The following NLRP5 variants were observed in gnomAD, a reference collection of about 807,000 sequenced individuals.
NLRP5 encodes NACHT, LRR and PYD domains-containing protein 5.
NLRP5 carries 93 observed loss-of-function variants against 113.1 expected under a neutral mutation model. That is an observed-to-expected ratio of 0.82 (90% confidence interval 0.70 to 0.98). The LOEUF (loss-of-function observed/expected upper bound fraction) is 0.98, where lower values mean the gene tolerates loss of function less well. Among genes scored for constraint, NLRP5 ranks in the 50% least tolerant of loss-of-function variants. NLRP5 has a pLI of 0.00. For synonymous variants in NLRP5, 751 were observed against 600.7 expected, an observed-to-expected ratio of 1.25 and a Z score of -3.66; for missense variants, 1,808 against 1,514.3, an observed-to-expected ratio of 1.19 and a Z score of -3.22.
chr19:56,036,879 C>T (rs1456672050), intron 9 of NLRP5, among the ~76,000 whole-genome samples: 1 of 152,106 alleles, frequency 6.6e-6, no homozygotes, highest in Non-Finnish European at 1.5e-5. Context: ...ATCACTTGAA[C>T]CCAGGAGGCA....
intron 6 of NLRP5, among the ~76,000 whole-genome samples, chr19:56,021,637 A>G (rs1982621219): frequency 6.6e-6 from 1 of 152,214 alleles, no homozygotes. Flanking sequence ...CCCGTGTTCC[A>G]GTGTCTATCA....
upstream of NLRP5, among the ~76,000 whole-genome samples, chr19:55,998,236 G>A (rs1599872666): frequency 1.3e-5 from 2 of 151,958 alleles, no homozygotes; most frequent in Admixed American, 1.3e-4. Flanking sequence ...TGCACCTGTA[G>A]TCCCAGCTAC....
At chr19:56,043,542 C>CTTTTTTTTTTTTTTTTTTTT (rs369622191) in intron 11 of NLRP5, among the ~76,000 whole-genome samples, 2 of 92,958 alleles carry the variant, frequency 2.2e-5, no homozygotes, top group African/African-American at 5.3e-5. Context: ...CTCTGCTATT[C>CTTTTTTTTTTTTTTTTTTTT]TTTTTTTTTT....
intron 10 of NLRP5, 30 bp downstream of exon 10, chr19:56,038,225 A>G: frequency 6.3e-7 from 1 of 1,576,130 alleles, no homozygotes; most frequent in Non-Finnish European, 8.7e-7. Context: ...CACCAGGATT[A>G]TCGTAACTTC....
intron 12 of NLRP5, among the ~76,000 whole-genome samples, chr19:56,051,169 C>CT (rs1479756324): frequency 6.6e-6 from 1 of 151,922 alleles, no homozygotes; most frequent in Non-Finnish European, 1.5e-5. Flanking sequence ...CTTAATGCAA[C>CT]TTAATGCGTT....
chr19:56,040,834 T>TA lies in NLRP5; in HGVS notation c.2787-87dup, dbSNP rs375364030. On this transcript the variant is annotated intron_variant, in intron 10 of 14. Coordinates refer to ENST00000390649, the MANE Select transcript of NLRP5 (RefSeq NM_153447.4). ...AAGGACATGCCAACTATGGGGGTGA[T>TA]ACGTCTTTCCCCTCCTTGTAAAGGA... 64 of 1,132,066 alleles carry TA rather than the reference T, an allele frequency of 5.7e-5. No homozygotes were observed. In the African/African-American group the frequency reaches 9.1e-4, roughly 16 times the overall value. The allele number at this position is 1,132,066 out of a possible 1,614,324, so 70.1% of individuals were successfully genotyped here.
At chr19:56,060,792 G>A (rs1307593076) in intron 14 of NLRP5, among the ~76,000 whole-genome samples, 1 of 152,040 alleles carries the variant, frequency 6.6e-6, no homozygotes, top group Admixed American at 6.6e-5. Context: ...GTGGCTCACT[G>A]CCTGATGTGC....
At chr19:56,013,596 G>GGTT (rs1555765383) in intron 3 of NLRP5, among the ~76,000 whole-genome samples, 894 of 59,324 alleles carry the variant, frequency 0.015, 55 homozygotes, top group Non-Finnish European at 0.02. Flanking sequence ...GGACATTTGG[G>GGTT]TTTTTTTTTT....
At position 56,010,770 on chromosome 19, in the gene NLRP5, A is replaced by G. The variant is rs187515318; in HGVS notation, c.508+1917A>G. 4.3e-3 allele frequency among the ~76,000 whole-genome samples: 588 copies of G among 136,144 alleles called. 7 individuals carry two copies. The highest frequency in any genetic ancestry group is 0.015 in the African/African-American group (555 of 36,316). 89.3% of individuals were successfully genotyped at this position (136,144 alleles called of 152,430 possible). ...AAAAAAAAAAAGTCCCTTGAAACTA[A>G]GCCAACCCAATAAATGCAGTTTTTT... On this transcript the variant is annotated intron_variant, in intron 3 of 14. Transcript: ENST00000390649.
At chr19:56,002,325 A>C (rs953255750) in intron 1 of NLRP5, among the ~76,000 whole-genome samples, 1 of 152,188 alleles carries the variant, frequency 6.6e-6, no homozygotes, top group Non-Finnish European at 1.5e-5. Flanking sequence ...AGTATTCAGC[A>C]GTTTATTTTT....
chr19:56,057,941 C>T lies in NLRP5; in HGVS notation c.3300-299C>T, dbSNP rs139698682. ...ACTCCGGAGGCTAAGGCAGGAGTATCGCTTGAATCCCAGAGGTAGAAGGTT... is the reference window on the plus strand; with the variant it reads ...ACTCCGGAGGCTAAGGCAGGAGTATTGCTTGAATCCCAGAGGTAGAAGGTT... On this transcript the variant is annotated intron_variant, in intron 13 of 14. Transcript: ENST00000390649. 3.6e-3 allele frequency among the ~76,000 whole-genome samples: 542 copies of T among 151,282 alleles called. 3 individuals are homozygous for T. The highest frequency in any genetic ancestry group is 5.6e-3 in the Non-Finnish European group (383 of 67,916).
intron 12 of NLRP5, among the ~76,000 whole-genome samples, chr19:56,052,524 C>T (rs113923491): frequency 0.044 from 6,675 of 152,248 alleles, 223 homozygotes; most frequent in African/African-American, 0.093. Context: ...CTCACCTTGG[C>T]CTCCCAAAGT....
chr19:56,016,833 G>A (rs1244091765), intron 4 of NLRP5, among the ~76,000 whole-genome samples: 1 of 152,004 alleles, frequency 6.6e-6, no homozygotes, highest in East Asian at 1.9e-4. Flanking sequence ...TTTTTTAAGG[G>A]AGTCTTGCTC....
rs1984030050 is a variant in NLRP5 at position 56,053,906 on chromosome 19, C to T, written c.3299+98C>T. The stretch of plus-strand genomic sequence containing the variant: ...ACAGGGATGATGATGATCTGGTTTC[C>T]ATGAGTCCCTCAAGTTAGATGGAGT... On this transcript the variant is annotated intron_variant, in intron 13 of 14. Coordinates refer to ENST00000390649, the MANE Select transcript of NLRP5 (RefSeq NM_153447.4). 3.5e-6 allele frequency: 4 copies of T among 1,133,472 alleles called. No individual in the cohort carries two copies. In the South Asian group the frequency reaches 4.2e-5, roughly 12 times the overall value. 70.2% of individuals were successfully genotyped at this position (1,133,472 alleles called of 1,614,324 possible).
intron 10 of NLRP5, among the ~76,000 whole-genome samples, chr19:56,039,871 G>A (rs145666878): frequency 0.012 from 1,901 of 152,170 alleles, 29 homozygotes; most frequent in African/African-American, 0.043. Context: ...CCAAGGTCAC[G>A]CCATTGCACT....
Position 56,027,240 on chromosome 19 carries a change from T to C in NLRP5, c.1007T>C (p.Ile336Thr). Residue 336 changes from isoleucine (I) to threonine (T), a missense_variant, in exon 7 of 15, where the codon ATC (isoleucine) becomes ACC (threonine). Coordinates refer to ENST00000390649, the MANE Select transcript of NLRP5 (RefSeq NM_153447.4). ...AAGGAGAGCAGTGTCACAGAGTTCATCTCCAGGGAGTGGCCAGACTCCCAG... is the reference window on the plus strand; with the variant it reads ...AAGGAGAGCAGTGTCACAGAGTTCACCTCCAGGGAGTGGCCAGACTCCCAG... 3.1e-6 allele frequency: 5 copies of C among 1,612,686 alleles called. No individual in the cohort carries two copies. Among genetic ancestry groups the C allele is most frequent in the Non-Finnish European group, 4.2e-6 (5 of 1,179,718 alleles).
intron 6 of NLRP5, among the ~76,000 whole-genome samples, chr19:56,021,329 A>T (rs2123294777): frequency 6.6e-6 from 1 of 152,308 alleles, no homozygotes; most frequent in Admixed American, 6.5e-5. Flanking sequence ...TTTTGTTGAG[A>T]TATAATTAGG....
upstream of NLRP5, among the ~76,000 whole-genome samples, chr19:55,995,304 C>A (rs540308979): frequency 2.2e-3 from 330 of 152,172 alleles, 1 homozygote; most frequent in Non-Finnish European, 3.3e-3. Flanking sequence ...CACATGTATA[C>A]CTGTGTAACA....
intron 7 of NLRP5, among the ~76,000 whole-genome samples, chr19:56,029,377 C>T (rs943097242): frequency 5.9e-5 from 9 of 152,160 alleles, no homozygotes; most frequent in Admixed American, 5.2e-4. Flanking sequence ...AGCGATTCTC[C>T]TGACTCAGCC....
Sources: gnomAD v4.1 joint callset for allele counts (sites outside exome capture counted in the v4.1 genomes callset) on GRCh38, gnomAD v4.1.1 for gene constraint, MANE v1.5 for transcripts, NCBI Gene and HGNC (gene_info 2026-07-23, HGNC 2026-07-21) for gene names.